The following CLPB variants were observed in gnomAD, a reference collection of about 807,000 sequenced individuals.
CLPB encodes the protein mitochondrial disaggregase.
In CLPB, 40 loss-of-function variants were observed where a neutral mutation model predicts 78.4. That is an observed-to-expected ratio of 0.51 (90% confidence interval 0.40 to 0.66). The LOEUF is 0.66. Among genes scored for constraint, CLPB ranks in the 30% least tolerant of loss-of-function variants. The pLI, the probability that CLPB is intolerant of heterozygous loss-of-function variation, is 0.00. For synonymous variants in CLPB, 333 were observed against 348.0 expected (o/e 0.96, Z 0.48); for missense variants, 780 against 886.9 (o/e 0.88, Z 1.53).
intron 5 of CLPB, chr11:72,354,214 G>T: frequency 2.6e-6 from 1 of 383,690 alleles, no homozygotes; most frequent in Non-Finnish European, 4.6e-6. Flanking sequence ...GTTCTCCTTT[G>T]AAGCACATAC....
chr11:72,399,696 G>A (rs535280041), intron 3 of CLPB, among the ~76,000 whole-genome samples: 6 of 152,308 alleles, frequency 3.9e-5, no homozygotes, highest in South Asian at 2.1e-4. Flanking sequence ...TCTTGAGCTT[G>A]TGGCTGCCTA....
chr11:72,422,000 G>A (rs1271891089), intron 2 of CLPB, among the ~76,000 whole-genome samples: 2 of 152,168 alleles, frequency 1.3e-5, no homozygotes, highest in Non-Finnish European at 2.9e-5. Context: ...GGGCGTGGTG[G>A]CTCACGCCTG....
chr11:72,409,399 C>G (rs1855808173), intron 2 of CLPB, among the ~76,000 whole-genome samples: 1 of 151,836 alleles, frequency 6.6e-6, no homozygotes, highest in African/African-American at 2.4e-5. Flanking sequence ...GCCCAGCCAA[C>G]AAGGCGAAAC....
rs185288989 is a variant in CLPB at position 72,409,749 on chromosome 11, G to C, written c.456-6697C>G. 4.6e-5 allele frequency among the ~76,000 whole-genome samples: 7 copies of C among 152,222 alleles called. No individual in the cohort carries two copies. In the East Asian group the frequency reaches 1.4e-3, roughly 29 times the overall value. ...TCCCAGCACTTTGGAAGACGGAGGC[G>C]GGTGGATTACCTGGGGTTGGGAGTT... On this transcript the variant is annotated intron_variant, in intron 2 of 15. Coordinates refer to ENST00000538039, the MANE Select transcript of CLPB (RefSeq NM_001258392.3).
At chr11:72,300,221 GTTC>G (rs1949630483) in intron 11 of CLPB, among the ~76,000 whole-genome samples, 1 of 152,196 alleles carries the variant, frequency 6.6e-6, no homozygotes, top group Non-Finnish European at 1.5e-5. Context: ...TTCCACATCT[GTTC>G]AATGGAGGCC....
Position 72,358,941 on chromosome 11 carries a change from C to T in CLPB, c.714G>A (p.Thr238=), listed in dbSNP as rs528316320. The T allele has an allele frequency of 7.4e-6, 12 of 1,613,114 alleles. No individual in the cohort carries two copies. In the East Asian group the frequency reaches 2.0e-4, roughly 27 times the overall value. Residue 238 remains threonine, a synonymous_variant, in exon 5 of 16, where the codon ACG becomes ACA. Transcript: ENST00000538039. ...CAGCAAGAACAGCATAGTGCAAGGC[C>T]GTGCAGCCCTTGAAACTGGCGCGGT... ...LNNRASFKGC[T]ALHYAVLADD... is the part of the protein sequence containing the mutation.
chr11:72,366,505 G>A (rs1393994611), intron 4 of CLPB, among the ~76,000 whole-genome samples: 1 of 151,990 alleles, frequency 6.6e-6, no homozygotes, highest in East Asian at 1.9e-4. Context: ...TGGGATTACA[G>A]GTATGAACCA....
intron 2 of CLPB, among the ~76,000 whole-genome samples, chr11:72,406,699 G>A (rs1018424998): frequency 6.6e-6 from 1 of 152,202 alleles, no homozygotes; most frequent in Non-Finnish European, 1.5e-5. Context: ...GGATAATTCA[G>A]CAAAGCTGGC....
chr11:72,315,510 T>C (rs1201159718), intron 7 of CLPB, among the ~76,000 whole-genome samples: 1 of 152,210 alleles, frequency 6.6e-6, no homozygotes, highest in African/African-American at 2.4e-5. Flanking sequence ...AGGCTGACGC[T>C]TTATCTCCTC....
intron 2 of CLPB, among the ~76,000 whole-genome samples, chr11:72,409,761 TG>T (rs891958089): frequency 2.2e-4 from 33 of 152,218 alleles, no homozygotes; most frequent in African/African-American, 7.5e-4. Context: ...GTGGATTACC[TG>T]GGGTTGGGAG....
Position 72,434,462 on chromosome 11 carries a change from G to C in CLPB, c.13C>G (p.Leu5Val). 2 of 1,549,098 alleles carry C rather than the reference G, an allele frequency of 1.3e-6. No individual in the cohort carries two copies. Among genetic ancestry groups the C allele is most frequent in the East Asian group, 4.5e-5 (2 of 44,110 alleles). Residue 5 changes from leucine to valine, a missense_variant, in exon 1 of 16, where the codon CTG becomes GTG. Physicochemically the swap from Leu to Val is conservative, Grantham distance 32. Coordinates refer to ENST00000538039, the MANE Select transcript of CLPB (RefSeq NM_001258392.3). The stretch of plus-strand genomic sequence containing the variant: ...GCCAGTGCTTTTCTCCTCAACACCA[G>C]GGACCCCAGCATCTTGACAGCTGCT... The part of the protein sequence containing the change: MLGS[L>V]VLRRKALAPR...
At chr11:72,294,793 T>G (rs1949521045) in intron 12 of CLPB, 100 bp from the exon 13 acceptor site, 1 of 976,024 alleles carries the variant, frequency 1.0e-6, no homozygotes, top group Non-Finnish European at 1.6e-6. Context: ...CCTGGTCCTG[T>G]CCATCTGTGT....
chr11:72,434,525 G>T lies in CLPB; in HGVS notation c.-51C>A, dbSNP rs1433358854. 5 of 1,508,006 alleles carry T rather than the reference G, an allele frequency of 3.3e-6. No homozygotes were observed. The highest frequency in any genetic ancestry group is 4.4e-6 in the Non-Finnish European group (5 of 1,128,780). 93.4% of individuals were successfully genotyped at this position (1,508,006 alleles called of 1,614,324 possible). On this transcript the variant is annotated 5_prime_UTR_variant, in exon 1 of 16. Transcript: ENST00000538039. ...TGGTGCCGGCCCCTGTGCTGACCAC[G>T]TCCAACATGGCTGCCGCGGCGCGTT...
At chr11:72,357,535 A>G (rs777731141) in intron 5 of CLPB, among the ~76,000 whole-genome samples, 7 of 151,888 alleles carry the variant, frequency 4.6e-5, no homozygotes, top group Non-Finnish European at 7.4e-5. Context: ...TGTCTCTACT[A>G]AAAATACAAT....
intron 6 of CLPB, among the ~76,000 whole-genome samples, chr11:72,322,527 T>C (rs1209710076): frequency 2.6e-5 from 4 of 152,160 alleles, no homozygotes; most frequent in African/African-American, 9.7e-5. Flanking sequence ...TGCCCAGCCT[T>C]GTGAAAGGCT....
chr11:72,399,790 G>A (rs73530762), intron 3 of CLPB, among the ~76,000 whole-genome samples: 2,188 of 152,252 alleles, frequency 0.014, 44 homozygotes, highest in African/African-American at 0.05. Context: ...TCCCTTCATC[G>A]AAATCTAATT....
At chr11:72,299,481 T>G (rs1433143087) in intron 11 of CLPB, among the ~76,000 whole-genome samples, 1 of 152,044 alleles carries the variant, frequency 6.6e-6, no homozygotes, top group Non-Finnish European at 1.5e-5. Flanking sequence ...CCCTCTGCAA[T>G]CGAGCAGTAC....
Position 72,302,366 on chromosome 11 carries a change from A to G in CLPB, c.1123-18T>C. ...ATGAAGCCCTGTGTGGAAACAAGCA[A>G]GTACCAACTCCGTTTGGAGGCAGGA... On this transcript the variant is annotated intron_variant, in intron 9 of 15. Transcript: ENST00000538039. The G allele has an allele frequency of 6.2e-7, 1 of 1,613,854 alleles. No homozygotes were observed. The highest frequency in any genetic ancestry group is 8.5e-7 in the Non-Finnish European group (1 of 1,179,702).
rs1388365852 is a variant in CLPB, at chr11:72,329,698, G to A, written c.873+9C>T. 6.2e-7 allele frequency: 1 copy of A among 1,605,652 alleles called. No individual in the cohort carries two copies. The highest frequency in any genetic ancestry group is 1.1e-5 in the South Asian group (1 of 90,824). On this transcript the variant is annotated intron_variant, in intron 6 of 15. Transcript: ENST00000538039. ...TACCCACAGGCCTCCTCCCTTCCCT[G>A]AGACTTACCTTGGCTTCAGAAGTCC... is the stretch of plus-strand genomic sequence containing the variant.
Sources: gnomAD v4.1 joint callset for allele counts (sites outside exome capture counted in the v4.1 genomes callset) on GRCh38, gnomAD v4.1.1 for gene constraint, MANE v1.5 for transcripts, NCBI Gene and HGNC (gene_info 2026-07-23, HGNC 2026-07-21) for gene names.